The following ATG16L2 variants were observed in gnomAD, a reference collection of about 807,000 sequenced individuals.
ATG16L2 encodes the protein protein Atg16l2.
ATG16L2 carries 77 observed loss-of-function variants against 84.7 expected under a neutral mutation model. The observed-to-expected ratio is 0.91, with a 90% CI of 0.76 to 1.10. ATG16L2 has a LOEUF of 1.10. Ranked by LOEUF, ATG16L2 falls within the 50% of genes least tolerant of loss-of-function variation. The pLI is 0.00. For synonymous variants in ATG16L2, 361 were observed against 342.8 expected, an observed-to-expected ratio of 1.05 and a Z score of -0.59; for missense variants, 782 against 817.6, an observed-to-expected ratio of 0.96 and a Z score of 0.53.
chr11:72,833,699 T>A (rs952100707), downstream of ATG16L2, among the ~76,000 whole-genome samples: 4 of 152,122 alleles, frequency 2.6e-5, no homozygotes, highest in African/African-American at 7.2e-5. Flanking sequence ...GGCAGGTGGA[T>A]CACCTGAGGT....
intron 1 of ATG16L2, 95 bp from the exon 2 acceptor site, chr11:72,816,633 G>T: frequency 1.0e-6 from 1 of 991,100 alleles, no homozygotes. Context: ...AGCATCTCTG[G>T]GCTCCTTCAG....
Position 72,817,813 on chromosome 11 carries a change from G to A in ATG16L2, c.276G>A (p.Lys92=), listed in dbSNP as rs1449853381. Residue 92 remains lysine, a synonymous_variant, in exon 3 of 18, where the codon AAG becomes AAA. Transcript: ENST00000321297. ...CATCACTGGTCGCACTGAGGGTGAA[G>A]TGGCAGGAGGAGGAGGAGGGGCTCC... ...QVPSLVALRV[K]WQEEEEGLRL... is the part of the protein sequence containing the mutation. The A allele has an allele frequency of 7.4e-6, 12 of 1,613,306 alleles. No homozygotes were observed. The East Asian group carries it at 2.5e-4, about 33-fold the overall frequency.
downstream of ATG16L2, among the ~76,000 whole-genome samples, chr11:72,830,045 A>G (rs558993125): frequency 2.0e-5 from 3 of 152,246 alleles, no homozygotes; most frequent in South Asian, 6.2e-4. Flanking sequence ...GGCCTCCCTT[A>G]GACTGGGTCC....
chr11:72,827,093 C>T, intron 13 of ATG16L2, 95 bp from the exon 14 acceptor site: 7 of 1,025,922 alleles, frequency 6.8e-6, no homozygotes, highest in Non-Finnish European at 1.0e-5. Context: ...CTTGGGAGGA[C>T]ACTGGGTTCT....
At chr11:72,827,110 C>T (rs1860409635) in intron 13 of ATG16L2, 78 bp from the exon 14 acceptor site, 6 of 1,178,460 alleles carry the variant, frequency 5.1e-6, no homozygotes, top group Non-Finnish European at 7.5e-6. Context: ...TTCTGGGCCT[C>T]AGCTTCTCCA....
chr11:72,838,700 T>C, intron 5 of ATG16L2: 1 of 1,046,346 alleles, frequency 9.6e-7, no homozygotes, highest in Non-Finnish European at 1.4e-6. Flanking sequence ...TGTTCAAGAG[T>C]CATCATCATG....
downstream of ATG16L2, among the ~76,000 whole-genome samples, chr11:72,834,540 G>A (rs1356893198): frequency 6.6e-6 from 1 of 151,816 alleles, no homozygotes; most frequent in South Asian, 2.1e-4. Flanking sequence ...ACTCATCCAG[G>A]GCATGAGAGT....
At chr11:72,832,010 C>T (rs1467551605), downstream of ATG16L2, among the ~76,000 whole-genome samples, 1 of 152,220 alleles carries the variant, frequency 6.6e-6, no homozygotes, top group Non-Finnish European at 1.5e-5. Context: ...TTGTGTCTAA[C>T]CTGACTCCCT....
chr11:72,839,577 T>C (rs1487089224), intron 5 of ATG16L2, among the ~76,000 whole-genome samples: 3 of 151,960 alleles, frequency 2.0e-5, no homozygotes, highest in Non-Finnish European at 4.4e-5. Flanking sequence ...CCTGGCAGGA[T>C]TTGGGAATGA....
At chr11:72,835,541 G>A (rs1860708452) in intron 5 of ATG16L2, among the ~76,000 whole-genome samples, 1 of 152,114 alleles carries the variant, frequency 6.6e-6, no homozygotes, top group African/African-American at 2.4e-5. Flanking sequence ...GAGGACACAG[G>A]CTCAGTCCCC....
At chr11:72,830,769 T>C (rs572197238), downstream of ATG16L2, among the ~76,000 whole-genome samples, 80 of 137,014 alleles carry the variant, frequency 5.8e-4, no homozygotes, top group African/African-American at 2.2e-3. Flanking sequence ...GCCTCTCAGC[T>C]TCATCTTCAT....
intron 1 of ATG16L2, chr11:72,816,497 C>T (rs1859705136): frequency 2.0e-6 from 1 of 502,750 alleles, no homozygotes; most frequent in Non-Finnish European, 3.6e-6. Flanking sequence ...AGAGCAGGTC[C>T]TCTTCCACGT....
rs767416718 is a variant in ATG16L2 at position 72,825,319 on chromosome 11, G to A, written c.1014G>A (p.Glu338=). 1.1e-5 allele frequency: 17 copies of A among 1,613,462 alleles called. No homozygotes were observed. Among genetic ancestry groups the A allele is most frequent in the Non-Finnish European group, 8.5e-7 (1 of 1,179,962 alleles). The part of the protein sequence containing the change: ...AQDVLDAHLS[E]VNAVRFGPNS... The stretch of plus-strand genomic sequence containing the variant: ...CCCCACAGGATGCCCACCTCTCTGA[G>A]GTCAATGCTGTTCGTTTTGGCCCCA... The change falls in exon 10 of 18, where the codon GAG becomes GAA. Residue 338 remains glutamate, a synonymous_variant. Transcript: ENST00000321297.
downstream of ATG16L2, among the ~76,000 whole-genome samples, chr11:72,832,804 C>T (rs1860635654): frequency 1.3e-5 from 2 of 152,214 alleles, 1 homozygote; most frequent in South Asian, 4.1e-4. Flanking sequence ...TCAGATTCTG[C>T]AAAGGGGCTG....
At chr11:72,821,810 G>C in intron 4 of ATG16L2, 69 bp downstream of exon 4, 3 of 1,504,824 alleles carry the variant, frequency 2.0e-6, no homozygotes, top group Non-Finnish European at 1.8e-6. Context: ...CTATACGGGA[G>C]GCGGGGGGAA....
chr11:72,823,134 T>TG, intron 7 of ATG16L2, 173 bp downstream of exon 7: 1 of 567,550 alleles, frequency 1.8e-6, no homozygotes, highest in Non-Finnish European at 3.1e-6. Context: ...TGGAGCCACT[T>TG]GGGGTCAGTT....
intron 3 of ATG16L2, among the ~76,000 whole-genome samples, chr11:72,820,810 G>A (rs189135984): frequency 6.6e-6 from 1 of 152,062 alleles, no homozygotes; most frequent in East Asian, 1.9e-4. Context: ...CCTTGCCTGG[G>A]GTCTGTCTCT....
At chr11:72,829,008 A>ACCTGGCCC (rs1724534596) in intron 17 of ATG16L2, 24 bp downstream of exon 17, 4 of 1,609,252 alleles carry the variant, frequency 2.5e-6, no homozygotes, top group Non-Finnish European at 3.4e-6. Context: ...CCACCTGGCC[A>ACCTGGCCC]CCTGCCTGGC....
intron 5 of ATG16L2, chr11:72,840,969 A>G (rs775663297): frequency 1.9e-6 from 3 of 1,602,492 alleles, no homozygotes; most frequent in Non-Finnish European, 2.6e-6. Context: ...TCTAAGGGAG[A>G]AAACCAAAGA....
Sources: gnomAD v4.1 joint callset for allele counts (sites outside exome capture counted in the v4.1 genomes callset) on GRCh38, gnomAD v4.1.1 for gene constraint, MANE v1.5 for transcripts, NCBI Gene and HGNC (gene_info 2026-07-23, HGNC 2026-07-21) for gene names.